Variants in ADAMTS3 observed in about 807,000 individuals in gnomAD.
The protein encoded by ADAMTS3 is A disintegrin and metalloproteinase with thrombospondin motifs 3.
In ADAMTS3, 73 loss-of-function variants were observed where a neutral mutation model predicts 129.0. The ratio of observed to expected loss-of-function variants is 0.57; its 90% CI spans 0.47 to 0.69. The LOEUF (loss-of-function observed/expected upper bound fraction) is 0.69, where lower values mean the gene tolerates loss of function less well. Among genes scored for constraint, ADAMTS3 ranks in the 30% least tolerant of loss-of-function variants. The pLI is 0.00. For missense variants in ADAMTS3, 1,457 were observed against 1,514.5 expected (o/e 0.96, Z 0.63); for synonymous variants, 477 against 510.8 (o/e 0.93, Z 0.89).
chr4:72,510,550 T>A (rs1337319532), intron 3 of ADAMTS3, among the ~76,000 whole-genome samples: 1 of 151,578 alleles, frequency 6.6e-6, no homozygotes, highest in Admixed American at 6.6e-5. Flanking sequence ...AAATAGGAAT[T>A]AACCAAAGAA....
At chr4:72,515,933 C>A (rs1085955) in intron 3 of ADAMTS3, among the ~76,000 whole-genome samples, 2 of 152,022 alleles carry the variant, frequency 1.3e-5, no homozygotes, top group African/African-American at 4.8e-5. Context: ...CTGAATGGTA[C>A]TGCCTAGGTT....
intron 21 of ADAMTS3, among the ~76,000 whole-genome samples, chr4:72,286,313 C>T (rs1209836591): frequency 2.0e-5 from 3 of 152,196 alleles, no homozygotes; most frequent in Non-Finnish European, 2.9e-5. Flanking sequence ...TATGTTAAAA[C>T]TTCTGAGTAA....
intron 3 of ADAMTS3, among the ~76,000 whole-genome samples, chr4:72,450,701 C>T (rs1267444690): frequency 6.6e-6 from 1 of 151,568 alleles, no homozygotes; most frequent in African/African-American, 2.4e-5. Flanking sequence ...GTGTAGACTC[C>T]ATGAAGCTTC....
chr4:72,486,803 A>C (rs549023315), intron 3 of ADAMTS3, among the ~76,000 whole-genome samples: 9 of 152,264 alleles, frequency 5.9e-5, no homozygotes, highest in African/African-American at 1.9e-4. Context: ...GCATGGACAG[A>C]ATACTGCACC....
Position 72,423,536 on chromosome 4 carries a change from A to C in ADAMTS3, c.505-8565T>G, listed in dbSNP as rs138351949. 7.0e-3 allele frequency among the ~76,000 whole-genome samples: 1,060 copies of C among 152,228 alleles called. 7 individuals carry two copies. The highest frequency in any genetic ancestry group is 0.024 in the African/African-American group (1,004 of 41,562). The stretch of plus-strand genomic sequence containing the variant: ...CTAATTCCATTTACAATGAGAATGG[A>C]CAGATTTTTTTTTCTTTTTTTTCTT... On this transcript the variant is annotated intron_variant, in intron 3 of 21. Coordinates refer to ENST00000286657, the MANE Select transcript of ADAMTS3 (RefSeq NM_014243.3).
At chr4:72,320,659 T>G in intron 7 of ADAMTS3, 55 bp downstream of exon 7, 1 of 1,568,092 alleles carries the variant, frequency 6.4e-7, no homozygotes, top group Non-Finnish European at 8.7e-7. Context: ...TGATTTAGGA[T>G]TACTTTTTAA....
chr4:72,317,896 G>A (rs1407527387), intron 10 of ADAMTS3, among the ~76,000 whole-genome samples: 2 of 152,222 alleles, frequency 1.3e-5, no homozygotes, highest in East Asian at 3.9e-4. Context: ...GGCGGTGGTG[G>A]TGCATGCCTG....
At position 72,494,709 on chromosome 4, in the gene ADAMTS3, T is replaced by C. The variant is rs537323036; in HGVS notation, c.504+53769A>G. On this transcript the variant is annotated intron_variant, in intron 3 of 21. Transcript: ENST00000286657. ...GAGCAGTAGCCTCTTCCAGACTTTA[T>C]GAACTGGCTTCAGAAAGATATTTAC... Among the ~76,000 whole-genome samples the C allele has an allele frequency of 4.6e-5, 7 of 152,324 alleles. No individual in the cohort carries two copies. The East Asian group carries it at 1.4e-3, about 29-fold the overall frequency.
chr4:72,549,827 TG>T (rs1178115172), intron 2 of ADAMTS3, among the ~76,000 whole-genome samples: 1 of 151,146 alleles, frequency 6.6e-6, no homozygotes, highest in African/African-American at 2.4e-5. Flanking sequence ...ATAAGTATTT[TG>T]TCTATCAAAA....
At chr4:72,318,084 C>T (rs1371404302) in intron 10 of ADAMTS3, among the ~76,000 whole-genome samples, 2 of 151,966 alleles carry the variant, frequency 1.3e-5, no homozygotes, top group Non-Finnish European at 2.9e-5. Flanking sequence ...TCCTGACCCC[C>T]ATGGTATGCC....
intron 3 of ADAMTS3, among the ~76,000 whole-genome samples, chr4:72,477,005 A>G (rs886991713): frequency 6.6e-6 from 1 of 152,162 alleles, no homozygotes; most frequent in African/African-American, 2.4e-5. Flanking sequence ...AATGCTCAGA[A>G]AAATAGGAGT....
At chr4:72,505,568 TAG>T (rs917912810) in intron 3 of ADAMTS3, among the ~76,000 whole-genome samples, 4 of 151,922 alleles carry the variant, frequency 2.6e-5, no homozygotes, top group African/African-American at 7.3e-5. Context: ...AAGGAGACGG[TAG>T]AGGGGAAGGG....
At chr4:72,471,658 AGGTT>A (rs1266871464) in intron 3 of ADAMTS3, among the ~76,000 whole-genome samples, 2 of 152,092 alleles carry the variant, frequency 1.3e-5, no homozygotes, top group African/African-American at 4.8e-5. Context: ...GGCAAGAAAA[AGGTT>A]GGTGAAAATT....
At chr4:72,348,636 C>A (rs1346959102) in intron 4 of ADAMTS3, among the ~76,000 whole-genome samples, 1 of 151,932 alleles carries the variant, frequency 6.6e-6, no homozygotes, top group African/African-American at 2.4e-5. Flanking sequence ...TCCAGGTGGG[C>A]CTGATCTAAC....
chr4:72,448,443 G>A (rs1249822284), intron 3 of ADAMTS3, among the ~76,000 whole-genome samples: 1 of 151,698 alleles, frequency 6.6e-6, no homozygotes, highest in Admixed American at 6.6e-5. Flanking sequence ...CAAAGCATCG[G>A]TAACAAACTG....
chr4:72,388,136 C>G (rs1440729012), intron 4 of ADAMTS3, among the ~76,000 whole-genome samples: 6 of 152,210 alleles, frequency 3.9e-5, no homozygotes, highest in Admixed American at 1.3e-4. Context: ...GCTGATGTGA[C>G]AAATCCTGTT....
chr4:72,373,753 A>C (rs1399793512), intron 4 of ADAMTS3, among the ~76,000 whole-genome samples: 1 of 151,928 alleles, frequency 6.6e-6, no homozygotes, highest in Non-Finnish European at 1.5e-5. Context: ...ACAAAAAATT[A>C]GCCAGGTGTG....
At chr4:72,419,449 T>G (rs774775338) in intron 3 of ADAMTS3, among the ~76,000 whole-genome samples, 6 of 152,080 alleles carry the variant, frequency 3.9e-5, no homozygotes, top group Non-Finnish European at 5.9e-5. Context: ...ATTGCTATAG[T>G]GGGGATAGAA....
At chr4:72,469,435 G>C (rs1471557879) in intron 3 of ADAMTS3, among the ~76,000 whole-genome samples, 1 of 152,118 alleles carries the variant, frequency 6.6e-6, no homozygotes, top group East Asian at 1.9e-4. Context: ...GTGGATAATA[G>C]TGACTTCATA....
Sources: gnomAD v4.1 joint callset for allele counts (sites outside exome capture counted in the v4.1 genomes callset) on GRCh38, gnomAD v4.1.1 for gene constraint, MANE v1.5 for transcripts, NCBI Gene and HGNC (gene_info 2026-07-23, HGNC 2026-07-21) for gene names.